Variants in ERP44 observed in about 807,000 individuals in gnomAD.
ERP44 encodes endoplasmic reticulum resident protein 44.
Under a neutral mutation model 53.4 loss-of-function variants are expected in ERP44, and 25 were observed. The observed-to-expected ratio is 0.47, with a 90% CI of 0.34 to 0.65. The LOEUF (loss-of-function observed/expected upper bound fraction) is 0.65, where lower values mean the gene tolerates loss of function less well. ERP44 is among the 30% of genes least tolerant of loss of function. ERP44 has a pLI of 0.01. For synonymous variants in ERP44, 145 were observed against 161.2 expected (o/e 0.90, Z 0.76); for missense variants, 338 against 493.2 (o/e 0.69, Z 2.98).
At chr9:100,044,170 T>C (rs1020296238) in intron 4 of ERP44, among the ~76,000 whole-genome samples, 1 of 152,180 alleles carries the variant, frequency 6.6e-6, no homozygotes, top group African/African-American at 2.4e-5. Flanking sequence ...ATAACTGTAG[T>C]GCCTACAAAA....
chr9:100,028,747 A>T (rs1444703352), intron 4 of ERP44, among the ~76,000 whole-genome samples: 1 of 152,238 alleles, frequency 6.6e-6, no homozygotes, highest in African/African-American at 2.4e-5. Flanking sequence ...AGCTTGGAAG[A>T]AATTCCTAGA....
chr9:99,989,723 A>G (rs1053312958), intron 10 of ERP44, among the ~76,000 whole-genome samples: 1 of 152,194 alleles, frequency 6.6e-6, no homozygotes, highest in Non-Finnish European at 1.5e-5. Flanking sequence ...GTAATAACAA[A>G]CTTCTCCAAG....
intron 1 of ERP44, among the ~76,000 whole-genome samples, chr9:100,077,334 T>A (rs1370044471): frequency 1.3e-5 from 2 of 152,226 alleles, no homozygotes; most frequent in African/African-American, 4.8e-5. Context: ...ATGTTCTCCA[T>A]CATCCTGAAG....
intron 10 of ERP44, chr9:99,999,051 A>T: frequency 1.3e-6 from 1 of 787,674 alleles, no homozygotes; most frequent in East Asian, 2.6e-5. Flanking sequence ...GGCCCGGGGC[A>T]GGAGGCGGAT....
At chr9:100,074,114 C>G (rs1009083785) in intron 1 of ERP44, among the ~76,000 whole-genome samples, 1 of 152,184 alleles carries the variant, frequency 6.6e-6, no homozygotes, top group Non-Finnish European at 1.5e-5. Context: ...TTTCAACACA[C>G]TCCATCATTA....
At chr9:100,094,578 A>C (rs1200048709) in intron 1 of ERP44, among the ~76,000 whole-genome samples, 2 of 152,142 alleles carry the variant, frequency 1.3e-5, no homozygotes, top group African/African-American at 2.4e-5. Context: ...GAATCACTTG[A>C]ACCCAGGAGA....
At chr9:100,040,735 T>C (rs1473113301) in intron 4 of ERP44, among the ~76,000 whole-genome samples, 1 of 152,122 alleles carries the variant, frequency 6.6e-6, no homozygotes, top group African/African-American at 2.4e-5. Context: ...TGTTTGTAAA[T>C]AATATGATCT....
At position 100,098,795 on chromosome 9, in the gene ERP44, G is replaced by T; in HGVS notation, c.46C>A (p.Leu16Ile). The change falls in exon 1 of 12, where the codon CTT (leucine) becomes ATT (isoleucine). Residue 16 changes from leucine to isoleucine, a missense_variant. Coordinates refer to ENST00000262455, the MANE Select transcript of ERP44 (RefSeq NM_015051.3). ...ATTCCCTCACTCACCAGGAGCAGAA[G>T]GGAGCATCTGAGGTCGGGTAAGGAT... is the stretch of plus-strand genomic sequence containing the variant. ...FLSLPDLRCSLLLLVTWVFTP... is the reference protein window; with the variant it reads ...FLSLPDLRCSILLLVTWVFTP... 6.2e-7 allele frequency: 1 copy of T among 1,613,936 alleles called. No individual in the cohort carries two copies. Among genetic ancestry groups the T allele is most frequent in the African/African-American group, 1.3e-5 (1 of 75,060 alleles).
chr9:100,056,753 T>A (rs960550268), intron 3 of ERP44, among the ~76,000 whole-genome samples: 4 of 152,144 alleles, frequency 2.6e-5, no homozygotes, highest in African/African-American at 7.2e-5. Context: ...AGTCCAGTGA[T>A]GAAATACAGA....
At chr9:100,097,158 GA>G (rs1342134491) in intron 1 of ERP44, among the ~76,000 whole-genome samples, 2 of 152,062 alleles carry the variant, frequency 1.3e-5, no homozygotes, top group Admixed American at 6.5e-5. Flanking sequence ...GTTAAATCTA[GA>G]TTCTATTTGG....
At chr9:100,004,669 G>A in intron 10 of ERP44, among the ~76,000 whole-genome samples, 1 of 152,138 alleles carries the variant, frequency 6.6e-6, no homozygotes, top group East Asian at 1.9e-4. Context: ...GGGAGGGGTG[G>A]TGCAAGTAGC....
At chr9:99,987,742 T>C (rs750239241) in intron 10 of ERP44, among the ~76,000 whole-genome samples, 2 of 152,152 alleles carry the variant, frequency 1.3e-5, no homozygotes, top group Non-Finnish European at 2.9e-5. Context: ...TTCTAGAAAA[T>C]CATACAACAT....
intron 1 of ERP44, among the ~76,000 whole-genome samples, chr9:100,094,452 G>A (rs1050401922): frequency 2.6e-5 from 4 of 152,188 alleles, no homozygotes; most frequent in Admixed American, 1.3e-4. Context: ...CAGGTCAGGA[G>A]TTTGAGACCA....
chr9:100,051,448 G>C (rs1034243305), intron 4 of ERP44, among the ~76,000 whole-genome samples: 1 of 152,132 alleles, frequency 6.6e-6, no homozygotes, highest in African/African-American at 2.4e-5. Context: ...TGAAGAATGG[G>C]AGACAGTTCT....
Position 99,984,986 on chromosome 9 carries a change from G to C in ERP44, c.1100C>G (p.Thr367Ser), listed in dbSNP as rs748690606. ...HREFHHGPDP[T>S]DTAPGEQAQD... ...TCCTACCTCTCCTGGGGCTGTATCA[G>C]TTGGGTCAGGTCCATGATGGAATTC... The change falls in exon 11 of 12, where the codon ACT becomes AGT. Residue 367 changes from threonine to serine, a missense_variant. Coordinates refer to ENST00000262455, the MANE Select transcript of ERP44 (RefSeq NM_015051.3). 1 of 1,611,278 alleles carries C rather than the reference G, an allele frequency of 6.2e-7. No individual in the cohort carries two copies. Among genetic ancestry groups the C allele is most frequent in the East Asian group, 2.2e-5 (1 of 44,850 alleles).
intron 3 of ERP44, among the ~76,000 whole-genome samples, chr9:100,055,102 GC>G (rs1285433176): frequency 6.6e-6 from 1 of 152,034 alleles, no homozygotes; most frequent in Admixed American, 6.6e-5. Flanking sequence ...ACCCTTCTGA[GC>G]CTCAATTCCT....
At chr9:100,043,253 T>C (rs1346224756) in intron 4 of ERP44, among the ~76,000 whole-genome samples, 11 of 19,536 alleles carry the variant, frequency 5.6e-4, no homozygotes, top group Non-Finnish European at 5.0e-4. Context: ...AGCGAGACTC[T>C]GTCTCAAAAA....
intron 1 of ERP44, among the ~76,000 whole-genome samples, chr9:100,072,520 ACT>A (rs1826316991): frequency 6.6e-6 from 1 of 152,068 alleles, no homozygotes; most frequent in African/African-American, 2.4e-5. Context: ...AAGTTCTCTA[ACT>A]CTCTCTTTTC....
chr9:100,003,410 A>T (rs953821587), intron 10 of ERP44, among the ~76,000 whole-genome samples: 1 of 152,164 alleles, frequency 6.6e-6, no homozygotes, highest in African/African-American at 2.4e-5. Flanking sequence ...GCATTTGAAG[A>T]TGTAGAGACT....
Sources: gnomAD v4.1 joint callset for allele counts (sites outside exome capture counted in the v4.1 genomes callset) on GRCh38, gnomAD v4.1.1 for gene constraint, MANE v1.5 for transcripts, NCBI Gene and HGNC (gene_info 2026-07-23, HGNC 2026-07-21) for gene names.